The following GPC5 variants were observed in gnomAD, a reference collection of about 807,000 sequenced individuals.
The protein encoded by GPC5 is glypican-5.
GPC5 carries 47 observed loss-of-function variants against 53.9 expected under a neutral mutation model. The ratio of observed to expected loss-of-function variants is 0.87; its 90% CI spans 0.69 to 1.11. GPC5 has a LOEUF of 1.11. Ranked by LOEUF, GPC5 falls within the 50% of genes most tolerant of loss-of-function variation. The pLI is 0.00. For synonymous variants in GPC5, 286 were observed against 263.3 expected (o/e 1.09, Z -0.84); for missense variants, 748 against 713.1 (o/e 1.05, Z -0.56).
chr13:92,057,171 C>T (rs2041081600), intron 6 of GPC5, among the ~76,000 whole-genome samples: 1 of 152,114 alleles, frequency 6.6e-6, no homozygotes, highest in African/African-American at 2.4e-5. Context: ...TCCTCTTTCT[C>T]CCTCATAGAA....
intron 7 of GPC5, among the ~76,000 whole-genome samples, chr13:92,210,429 C>A (rs1486247448): frequency 2.6e-5 from 4 of 151,946 alleles, no homozygotes; most frequent in African/African-American, 9.7e-5. Flanking sequence ...CATGTTTTTT[C>A]TTTTTAGCAT....
In GPC5 at chr13:92,846,103, G is replaced by A. The variant is rs9561176; in HGVS notation, c.1562-20179G>A. Among the ~76,000 whole-genome samples, 3,853 of 152,182 alleles carry A rather than the reference G, an allele frequency of 0.025. 380 individuals carry two copies. The East Asian group carries it at 0.32, about 13-fold the overall frequency. On this transcript the variant is annotated intron_variant, in intron 7 of 7. Coordinates refer to ENST00000377067, the MANE Select transcript of GPC5 (RefSeq NM_004466.6). ...CTTACAGTTCTGCAGGGCTGGTGAG[G>A]CCTCAGGAAACTTATAATCATAGGA...
chr13:91,553,033 T>C (rs529913732), intron 2 of GPC5, among the ~76,000 whole-genome samples: 22 of 152,232 alleles, frequency 1.4e-4, no homozygotes, highest in Admixed American at 1.4e-3. Context: ...TAACATAAAA[T>C]AATAGTGAAT....
At chr13:92,746,623 A>G (rs1041597855) in intron 7 of GPC5, among the ~76,000 whole-genome samples, 1 of 152,120 alleles carries the variant, frequency 6.6e-6, no homozygotes, top group Non-Finnish European at 1.5e-5. Flanking sequence ...GAACTTCATC[A>G]GAGTTTACAA....
chr13:91,963,086 C>T (rs76957596), intron 6 of GPC5, among the ~76,000 whole-genome samples: 4,600 of 152,118 alleles, frequency 0.03, 94 homozygotes, highest in Middle Eastern at 0.061. Context: ...TGTCTTTGGG[C>T]AGTTACTTAA....
intron 5 of GPC5, among the ~76,000 whole-genome samples, chr13:91,890,374 A>T (rs1480280913): frequency 1.3e-5 from 2 of 152,066 alleles, no homozygotes; most frequent in African/African-American, 4.8e-5. Context: ...TTTGATCAAG[A>T]TCTTTCCCTA....
chr13:92,564,030 AAAGAG>A (rs1201167369), intron 7 of GPC5, among the ~76,000 whole-genome samples: 7 of 152,068 alleles, frequency 4.6e-5, no homozygotes, highest in Non-Finnish European at 8.8e-5. Flanking sequence ...CATCCCAGTT[AAAGAG>A]AAAAGTCTCA....
intron 2 of GPC5, among the ~76,000 whole-genome samples, chr13:91,531,688 C>CT (rs147172120): frequency 0.011 from 1,626 of 152,130 alleles, 14 homozygotes; most frequent in Non-Finnish European, 0.019. Context: ...TCTTTTTGTT[C>CT]TTTATACAAA....
chr13:92,491,000 A>G (rs911744841), intron 7 of GPC5, among the ~76,000 whole-genome samples: 2 of 152,142 alleles, frequency 1.3e-5, no homozygotes, highest in Admixed American at 6.5e-5. Context: ...ACAGATACCT[A>G]TGGAAACTGA....
chr13:91,551,485 A>G (rs1442332251), intron 2 of GPC5, among the ~76,000 whole-genome samples: 1 of 152,176 alleles, frequency 6.6e-6, no homozygotes, highest in Non-Finnish European at 1.5e-5. Flanking sequence ...ATGTCATCAA[A>G]GTGACAATAT....
intron 7 of GPC5, among the ~76,000 whole-genome samples, chr13:92,350,248 C>G (rs2043464589): frequency 6.6e-6 from 1 of 152,082 alleles, no homozygotes; most frequent in Non-Finnish European, 1.5e-5. Context: ...ACATTTAAGG[C>G]CATATATGAG....
chr13:92,629,175 G>A (rs1885155523), intron 7 of GPC5, among the ~76,000 whole-genome samples: 1 of 152,138 alleles, frequency 6.6e-6, no homozygotes, highest in Admixed American at 6.5e-5. Flanking sequence ...GGATTCTTTT[G>A]GAGCTTACCT....
intron 7 of GPC5, among the ~76,000 whole-genome samples, chr13:92,551,364 G>T (rs987489698): frequency 6.6e-6 from 1 of 150,868 alleles, no homozygotes; most frequent in African/African-American, 2.4e-5. Flanking sequence ...CCTTAAATTT[G>T]TAAAAGTCAG....
At chr13:91,939,411 ACTCTAAT>A (rs1223936792) in intron 6 of GPC5, among the ~76,000 whole-genome samples, 1 of 152,140 alleles carries the variant, frequency 6.6e-6, no homozygotes, top group African/African-American at 2.4e-5. Context: ...GGAGGCTAGA[ACTCTAAT>A]CTCTAGGTTG....
At chr13:91,794,790 T>C (rs1281614472) in intron 5 of GPC5, among the ~76,000 whole-genome samples, 2 of 152,194 alleles carry the variant, frequency 1.3e-5, no homozygotes, top group Non-Finnish European at 2.9e-5. Context: ...AAATGGCAGT[T>C]TTTTAACATA....
intron 7 of GPC5, among the ~76,000 whole-genome samples, chr13:92,819,933 T>G (rs1877617588): frequency 6.6e-6 from 1 of 152,132 alleles, no homozygotes; most frequent in Non-Finnish European, 1.5e-5. Context: ...CCTCATGGCT[T>G]TCCTTCTAGC....
chr13:91,976,766 G>A (rs1357467588), intron 6 of GPC5, among the ~76,000 whole-genome samples: 4 of 152,126 alleles, frequency 2.6e-5, no homozygotes, highest in African/African-American at 7.2e-5. Context: ...GAGGCCGAGC[G>A]CGGTGGCTCA....
intron 7 of GPC5, among the ~76,000 whole-genome samples, chr13:92,365,345 G>A (rs1018368565): frequency 1.3e-5 from 2 of 151,632 alleles, no homozygotes; most frequent in Admixed American, 6.6e-5. Flanking sequence ...AGGTGTTACG[G>A]GTATATAGGG....
At chr13:92,406,179 T>A (rs1875788608) in intron 7 of GPC5, among the ~76,000 whole-genome samples, 1 of 152,228 alleles carries the variant, frequency 6.6e-6, no homozygotes, top group African/African-American at 2.4e-5. Flanking sequence ...TAAATTTGAT[T>A]TCACTTCACA....
Sources: allele counts gnomAD v4.1 joint callset (sites outside exome capture counted in the v4.1 genomes callset), GRCh38; gene constraint gnomAD v4.1.1; transcripts MANE v1.5; gene names NCBI Gene and HGNC (gene_info 2026-07-23, HGNC 2026-07-21).